ADD3: variants seen among roughly 807,000 people sequenced by gnomAD.
ADD3 encodes gamma-adducin.
Under a neutral mutation model 80.2 loss-of-function variants are expected in ADD3, and 25 were observed. That is an observed-to-expected ratio of 0.31 (90% CI 0.23 to 0.44). The LOEUF (loss-of-function observed/expected upper bound fraction) is 0.44, where lower values mean the gene tolerates loss of function less well. ADD3 is among the 20% of genes least tolerant of loss of function. The pLI is 1.00. For missense variants in ADD3, 829 were observed against 847.5 expected, an observed-to-expected ratio of 0.98 and a Z score of 0.27; for synonymous variants, 284 against 289.6, an observed-to-expected ratio of 0.98 and a Z score of 0.20.
intron 1 of ADD3, among the ~76,000 whole-genome samples, chr10:110,065,351 C>T (rs189927078): frequency 6.6e-6 from 1 of 151,854 alleles, no homozygotes; most frequent in Non-Finnish European, 1.5e-5. Context: ...CCTTTGTAGG[C>T]AGTCTGTCCC....
chr10:110,032,127 C>T (rs1275164491), intron 1 of ADD3, among the ~76,000 whole-genome samples: 6 of 151,834 alleles, frequency 4.0e-5, no homozygotes, highest in Non-Finnish European at 8.8e-5. Flanking sequence ...AGAGACTGGC[C>T]ATATAAGGAA....
chr10:110,110,300 C>T (rs1004977233), intron 2 of ADD3, among the ~76,000 whole-genome samples: 6 of 152,100 alleles, frequency 3.9e-5, no homozygotes, highest in Non-Finnish European at 8.8e-5. Context: ...GGGTGTGGGT[C>T]GTGTATCCAT....
At chr10:110,090,379 C>T (rs1027738805) in intron 1 of ADD3, among the ~76,000 whole-genome samples, 10 of 151,936 alleles carry the variant, frequency 6.6e-5, no homozygotes, top group African/African-American at 2.2e-4. Context: ...ATCACCACGC[C>T]CAGCTAATGT....
chr10:110,116,167 A>G, intron 3 of ADD3, 92 bp from the exon 4 acceptor site: 2 of 1,225,490 alleles, frequency 1.6e-6, no homozygotes, highest in Non-Finnish European at 2.3e-6. Context: ...CAAGGCTGGG[A>G]TACTCCCAGA....
In ADD3 at chr10:110,100,812, G is replaced by C; in HGVS notation, c.159G>C (p.Glu53Asp). The change falls in exon 2 of 15, where the codon GAG becomes GAC. Residue 53 changes from glutamate to aspartate, a missense_variant. Glu to Asp is a conservative substitution (Grantham distance 45). Transcript: ENST00000356080. ...PDLRQDFNMM[E>D]QRKRVTQILQ... ...TACGACAAGACTTCAACATGATGGA[G>C]CAGAGGAAACGAGTTACTCAGATCC... 6.2e-7 allele frequency: 1 copy of C among 1,611,506 alleles called. No individual in the cohort carries two copies. The highest frequency in any genetic ancestry group is 8.5e-7 in the Non-Finnish European group (1 of 1,178,954).
At chr10:110,009,673 G>A (rs1436944754) in intron 1 of ADD3, among the ~76,000 whole-genome samples, 1 of 152,142 alleles carries the variant, frequency 6.6e-6, no homozygotes, top group Non-Finnish European at 1.5e-5. Flanking sequence ...TAACTTTATG[G>A]AAGGAGGACC....
At chr10:110,014,691 C>T (rs552304921) in intron 1 of ADD3, among the ~76,000 whole-genome samples, 16 of 152,146 alleles carry the variant, frequency 1.1e-4, no homozygotes, top group Admixed American at 5.2e-4. Context: ...CCACGCCCGG[C>T]TAATTTTGTA....
In ADD3 at chr10:110,055,497, A is replaced by G. The variant is rs191870739; in HGVS notation, c.-29-45128A>G. On this transcript the variant is annotated intron_variant, in intron 1 of 14. Transcript: ENST00000356080. ...TTATTTGGCAATGGTATTATCTCAG[A>G]TTCAGCTTTTAATGAATATTTACAA... 2.8e-3 allele frequency among the ~76,000 whole-genome samples: 421 copies of G among 152,306 alleles called. 3 individuals are homozygous for G. Among genetic ancestry groups the G allele is most frequent in the African/African-American group, 9.6e-3 (399 of 41,554 alleles).
chr10:110,131,633 C>T (rs1853011026), intron 13 of ADD3, among the ~76,000 whole-genome samples: 1 of 152,112 alleles, frequency 6.6e-6, no homozygotes, highest in South Asian at 2.1e-4. Flanking sequence ...AGGGAGTTGT[C>T]CTGATTCATT....
intron 9 of ADD3, among the ~76,000 whole-genome samples, chr10:110,122,526 A>AT (rs1851637729): frequency 1.3e-5 from 2 of 152,040 alleles, no homozygotes; most frequent in Admixed American, 6.6e-5. Flanking sequence ...ATAGTACAAT[A>AT]TATCTCTTGA....
At chr10:110,011,629 GT>G (rs1176776142) in intron 1 of ADD3, among the ~76,000 whole-genome samples, 1 of 152,140 alleles carries the variant, frequency 6.6e-6, no homozygotes, top group Non-Finnish European at 1.5e-5. Flanking sequence ...AATATGTAGA[GT>G]TTGAATTTTT....
chr10:110,083,723 T>C (rs1846357675), intron 1 of ADD3, among the ~76,000 whole-genome samples: 2 of 152,170 alleles, frequency 1.3e-5, no homozygotes, highest in Admixed American at 1.3e-4. Context: ...TGGATGCTTT[T>C]TTATTTCCTT....
At chr10:110,007,688 C>T (rs990875083), upstream of ADD3, among the ~76,000 whole-genome samples, 1 of 152,168 alleles carries the variant, frequency 6.6e-6, no homozygotes, top group African/African-American at 2.4e-5. Flanking sequence ...CAGGCCCCCA[C>T]CGCTGCGGCT....
intron 1 of ADD3, among the ~76,000 whole-genome samples, chr10:110,009,649 T>A (rs1389665100): frequency 6.6e-6 from 1 of 152,212 alleles, no homozygotes; most frequent in African/African-American, 2.4e-5. Context: ...TTCCTTTGCT[T>A]AAATGGAGCA....
At chr10:110,032,946 A>G (rs1383815811) in intron 1 of ADD3, among the ~76,000 whole-genome samples, 1 of 152,226 alleles carries the variant, frequency 6.6e-6, no homozygotes, top group Non-Finnish European at 1.5e-5. Context: ...TTAAATAGCC[A>G]ATTTAAATAG....
At chr10:110,107,777 C>T (rs950019235) in intron 2 of ADD3, among the ~76,000 whole-genome samples, 4 of 152,090 alleles carry the variant, frequency 2.6e-5, no homozygotes, top group African/African-American at 9.7e-5. Flanking sequence ...CAGTACAGCA[C>T]GCAGCACGTA....
rs1415103571 is a variant in ADD3, at chr10:110,134,195, CT to C, written c.*580del. 6.6e-6 allele frequency: 1 copy of C among 152,456 alleles called. No individual in the cohort carries two copies. Among genetic ancestry groups the C allele is most frequent in the Non-Finnish European group, 1.5e-5 (1 of 67,972 alleles). 9.4% of individuals were successfully genotyped at this position (152,456 alleles called of 1,614,324 possible). ...TATAAAATTTCCTCACCTGAAGTAA[CT>C]TTGTTTGCCAAAAAAGTTGTTTTAA... On this transcript the variant is annotated 3_prime_UTR_variant, in exon 15 of 15. Coordinates refer to ENST00000356080, the MANE Select transcript of ADD3 (RefSeq NM_016824.5).
chr10:110,079,753 C>A (rs1845854982), intron 1 of ADD3, among the ~76,000 whole-genome samples: 1 of 152,064 alleles, frequency 6.6e-6, no homozygotes, highest in Non-Finnish European at 1.5e-5. Context: ...GTTGGCCGGG[C>A]TGGTCTCAAA....
At chr10:110,003,831 T>A (rs1851536188), upstream of ADD3, among the ~76,000 whole-genome samples, 1 of 152,202 alleles carries the variant, frequency 6.6e-6, no homozygotes, top group African/African-American at 2.4e-5. Flanking sequence ...GATTGTTTCT[T>A]TTAGATCATG....
Sources: allele counts gnomAD v4.1 joint callset (sites outside exome capture counted in the v4.1 genomes callset), GRCh38; gene constraint gnomAD v4.1.1; transcripts MANE v1.5; gene names NCBI Gene and HGNC (gene_info 2026-07-23, HGNC 2026-07-21).